Variants in DPP10 observed in about 807,000 individuals in gnomAD.
The protein encoded by DPP10 is inactive dipeptidyl peptidase 10.
Under a neutral mutation model 120.9 loss-of-function variants are expected in DPP10, and 33 were observed. That is an observed-to-expected ratio of 0.27 (90% confidence interval 0.21 to 0.37). DPP10 has a LOEUF of 0.37. Among genes scored for constraint, DPP10 ranks in the 10% least tolerant of loss-of-function variants. The pLI is 1.00. For missense variants in DPP10, 816 were observed against 942.8 expected (o/e 0.87, Z 1.76); for synonymous variants, 337 against 326.1 (o/e 1.03, Z -0.36).
At chr2:115,479,643 G>GTA (rs35279399) in intron 3 of DPP10, among the ~76,000 whole-genome samples, 21,044 of 150,872 alleles carry the variant, frequency 0.14, 3,169 homozygotes, top group African/African-American at 0.37. Context: ...AAACACACAT[G>GTA]TATATATATA....
chr2:114,496,010 C>T (rs754776625), intron 1 of DPP10, among the ~76,000 whole-genome samples: 1 of 152,122 alleles, frequency 6.6e-6, no homozygotes, highest in South Asian at 2.1e-4. Context: ...TAGTCAGTGT[C>T]CAGTCAGGAA....
At chr2:114,889,616 A>G (rs1333068509) in intron 1 of DPP10, among the ~76,000 whole-genome samples, 1 of 152,028 alleles carries the variant, frequency 6.6e-6, no homozygotes, top group Non-Finnish European at 1.5e-5. Context: ...TCATAAGGCT[A>G]TTTTTTATCC....
intron 1 of DPP10, among the ~76,000 whole-genome samples, chr2:114,635,681 T>G (rs1345863818): frequency 1.3e-5 from 2 of 151,916 alleles, no homozygotes; most frequent in Admixed American, 6.5e-5. Flanking sequence ...CTCAAACTTT[T>G]TATCTCAAAA....
intron 1 of DPP10, among the ~76,000 whole-genome samples, chr2:114,578,720 T>C (rs75706202): frequency 0.015 from 2,263 of 152,318 alleles, 63 homozygotes; most frequent in African/African-American, 0.051. Flanking sequence ...CAGATTTGGC[T>C]GGTACCCCAA....
At chr2:114,552,869 A>G (rs1199588216) in intron 1 of DPP10, among the ~76,000 whole-genome samples, 1 of 152,002 alleles carries the variant, frequency 6.6e-6, no homozygotes, top group Non-Finnish European at 1.5e-5. Context: ...TTCTATTCTC[A>G]GTTTTTATCT....
chr2:114,593,549 C>T (rs1191709014), intron 1 of DPP10, among the ~76,000 whole-genome samples: 1 of 152,158 alleles, frequency 6.6e-6, no homozygotes, highest in Non-Finnish European at 1.5e-5. Flanking sequence ...TCTGTCTCTA[C>T]TTTCTAATAT....
chr2:115,521,146 A>G (rs2077781251), intron 4 of DPP10, among the ~76,000 whole-genome samples: 1 of 152,184 alleles, frequency 6.6e-6, no homozygotes, highest in African/African-American at 2.4e-5. Context: ...AAGTAGAGAA[A>G]GTTGAACAAA....
intron 1 of DPP10, among the ~76,000 whole-genome samples, chr2:114,988,808 C>A (rs78374863): frequency 6.6e-6 from 1 of 152,104 alleles, no homozygotes; most frequent in Non-Finnish European, 1.5e-5. Flanking sequence ...CTGAATAAAT[C>A]TATAGAATTT....
intron 3 of DPP10, among the ~76,000 whole-genome samples, chr2:115,376,954 T>G (rs1192304129): frequency 1.4e-5 from 2 of 147,970 alleles, no homozygotes; most frequent in South Asian, 2.2e-4. Context: ...TCTATCATTG[T>G]TGGACATTTG....
At chr2:115,161,828 TC>T (rs1198081847) in intron 1 of DPP10, 9 of 537,034 alleles carry the variant, frequency 1.7e-5, no homozygotes, top group Admixed American at 1.7e-4. Flanking sequence ...GCCCCTCCGC[TC>T]CCCCCACCCC....
At chr2:114,551,508 G>A (rs181682906) in intron 1 of DPP10, among the ~76,000 whole-genome samples, 1 of 152,198 alleles carries the variant, frequency 6.6e-6, no homozygotes, top group Non-Finnish European at 1.5e-5. Flanking sequence ...GTACTTTGCT[G>A]CCTCCTAGTG....
At chr2:114,503,324 A>G (rs976895894) in intron 1 of DPP10, among the ~76,000 whole-genome samples, 3 of 152,168 alleles carry the variant, frequency 2.0e-5, no homozygotes, top group African/African-American at 7.2e-5. Flanking sequence ...TGACTGGAAA[A>G]GTGGCTTGAT....
chr2:114,565,578 C>T (rs1689132375), intron 1 of DPP10, among the ~76,000 whole-genome samples: 1 of 152,226 alleles, frequency 6.6e-6, no homozygotes, highest in Non-Finnish European at 1.5e-5. Flanking sequence ...CTCAGCCATG[C>T]TTCCCTTGGA....
At chr2:115,272,816 G>A (rs1233290689) in intron 1 of DPP10, among the ~76,000 whole-genome samples, 1 of 152,216 alleles carries the variant, frequency 6.6e-6, no homozygotes, top group African/African-American at 2.4e-5. Flanking sequence ...GAGCAGAAAA[G>A]GTGAGGCTAT....
intron 1 of DPP10, among the ~76,000 whole-genome samples, chr2:115,288,093 A>G (rs894472785): frequency 1.3e-5 from 2 of 152,150 alleles, no homozygotes; most frequent in African/African-American, 4.8e-5. Context: ...AGAAATCTCC[A>G]TACTGTTTTC....
chr2:114,646,389 G>T, intron 1 of DPP10, among the ~76,000 whole-genome samples: 1 of 151,862 alleles, frequency 6.6e-6, no homozygotes, highest in South Asian at 2.1e-4. Context: ...AAAATGGTGG[G>T]AATATATAAA....
At chr2:115,374,948 G>A (rs2065678717) in intron 3 of DPP10, among the ~76,000 whole-genome samples, 1 of 152,348 alleles carries the variant, frequency 6.6e-6, no homozygotes, top group Non-Finnish European at 1.5e-5. Context: ...AGGGGCTATT[G>A]TGAAGATCTC....
intron 3 of DPP10, among the ~76,000 whole-genome samples, chr2:115,469,724 C>G: frequency 6.6e-6 from 1 of 151,886 alleles, no homozygotes; most frequent in South Asian, 2.1e-4. Context: ...CGTGGAGAAA[C>G]CCCATCTCTA....
intron 5 of DPP10, among the ~76,000 whole-genome samples, chr2:115,679,818 A>G (rs902705699): frequency 6.6e-6 from 1 of 152,158 alleles, no homozygotes; most frequent in Non-Finnish European, 1.5e-5. Flanking sequence ...AAAGAGAAGA[A>G]CTGTGGTTAT....
Sources: allele counts gnomAD v4.1 joint callset (sites outside exome capture counted in the v4.1 genomes callset), GRCh38; gene constraint gnomAD v4.1.1; transcripts MANE v1.5; gene names NCBI Gene and HGNC (gene_info 2026-07-23, HGNC 2026-07-21).